Variants in CDK14 observed in about 807,000 individuals in gnomAD.
The protein encoded by CDK14 is cyclin-dependent kinase 14.
Under a neutral mutation model 60.7 loss-of-function variants are expected in CDK14, and 34 were observed. The observed-to-expected ratio is 0.56, with a 90% CI of 0.43 to 0.75. The LOEUF (loss-of-function observed/expected upper bound fraction) is 0.75, where lower values mean the gene tolerates loss of function less well. Ranked by LOEUF, CDK14 falls within the 30% of genes least tolerant of loss-of-function variation. The probability of loss-of-function intolerance (pLI) is 0.00; values close to 1 mark genes in which losing one functional copy is unlikely to be tolerated. For missense variants in CDK14, 482 were observed against 564.1 expected, an observed-to-expected ratio of 0.85 and a Z score of 1.47; for synonymous variants, 197 against 203.7, an observed-to-expected ratio of 0.97 and a Z score of 0.28.
intron 2 of CDK14, among the ~76,000 whole-genome samples, chr7:90,647,442 G>T (rs1291691340): frequency 6.6e-6 from 1 of 151,604 alleles, no homozygotes; most frequent in African/African-American, 2.4e-5. Context: ...TTAAAAGAAT[G>T]ATTTCACTTT....
chr7:90,850,489 G>A (rs1022523676), intron 5 of CDK14, among the ~76,000 whole-genome samples: 1 of 152,134 alleles, frequency 6.6e-6, no homozygotes, highest in African/African-American at 2.4e-5. Flanking sequence ...CTGAGAGAAG[G>A]TTAGAAAAGG....
At chr7:91,155,331 G>A (rs1282044693) in intron 14 of CDK14, among the ~76,000 whole-genome samples, 1 of 152,178 alleles carries the variant, frequency 6.6e-6, no homozygotes, top group African/African-American at 2.4e-5. Context: ...AAGGTGATGG[G>A]AAGTAAAGAA....
chr7:90,951,865 C>A (rs978337635), intron 8 of CDK14, among the ~76,000 whole-genome samples: 2 of 152,076 alleles, frequency 1.3e-5, no homozygotes, highest in Non-Finnish European at 2.9e-5. Flanking sequence ...TAAGGAATTA[C>A]ATAGAACCAG....
intron 2 of CDK14, among the ~76,000 whole-genome samples, chr7:90,605,978 T>C (rs1317049626): frequency 1.3e-5 from 2 of 152,248 alleles, no homozygotes; most frequent in Non-Finnish European, 2.9e-5. Flanking sequence ...TCTGTTATTC[T>C]GAAACCTCTG....
intron 9 of CDK14, among the ~76,000 whole-genome samples, chr7:90,975,094 G>A (rs1003631169): frequency 3.3e-5 from 5 of 152,082 alleles, no homozygotes; most frequent in African/African-American, 7.2e-5. Flanking sequence ...ACAGAGTTAG[G>A]GGACCTAACA....
intron 7 of CDK14, among the ~76,000 whole-genome samples, chr7:90,914,279 T>C (rs930287391): frequency 2.6e-5 from 4 of 152,240 alleles, no homozygotes; most frequent in Non-Finnish European, 5.9e-5. Context: ...CCTTCTCTTC[T>C]TGTAACAGCC....
At chr7:91,153,044 T>G (rs1235089213) in intron 14 of CDK14, among the ~76,000 whole-genome samples, 1 of 152,168 alleles carries the variant, frequency 6.6e-6, no homozygotes, top group Non-Finnish European at 1.5e-5. Flanking sequence ...GGAGTGGAGC[T>G]GTGGCCAGCT....
chr7:90,955,629 G>A (rs73227071), intron 8 of CDK14, 68 bp from the exon 9 acceptor site: 121,602 of 1,578,260 alleles, frequency 0.077, 5,262 homozygotes, highest in South Asian at 0.087. Flanking sequence ...GAATGTGAAC[G>A]TTCAAATTTA....
In CDK14 at chr7:91,091,256, TTTTA is replaced by T. The variant is rs572438588; in HGVS notation, c.1154+11790_1154+11793del. 8.4e-4 allele frequency among the ~76,000 whole-genome samples: 123 copies of T among 146,278 alleles called. 5 individuals carry two copies. The East Asian group carries it at 0.014, about 17-fold the overall frequency. ...AAAAAATTTATCTGTAAAAAAAATATTTTATTTATTTATTTATATAAATATATAT... is the reference window on the plus strand; with the variant it reads ...AAAAAATTTATCTGTAAAAAAAATATTTTATTTATTTATATAAATATATAT... On this transcript the variant is annotated intron_variant, in intron 12 of 14. Coordinates refer to ENST00000380050, the MANE Select transcript of CDK14 (RefSeq NM_001287135.2).
chr7:91,030,892 C>T (rs1796742317), intron 10 of CDK14, among the ~76,000 whole-genome samples: 1 of 152,212 alleles, frequency 6.6e-6, no homozygotes, highest in Non-Finnish European at 1.5e-5. Context: ...GTTGCTGCCT[C>T]TGGCTAAGGC....
intron 5 of CDK14, among the ~76,000 whole-genome samples, chr7:90,791,793 A>G (rs531627026): frequency 2.0e-5 from 3 of 152,096 alleles, no homozygotes; most frequent in South Asian, 4.1e-4. Flanking sequence ...AGCAGATTGC[A>G]TGGTTGAAAC....
intron 5 of CDK14, among the ~76,000 whole-genome samples, chr7:90,839,122 A>T (rs1790208571): frequency 6.6e-6 from 1 of 152,204 alleles, no homozygotes; most frequent in South Asian, 2.1e-4. Flanking sequence ...AATAGGAAAG[A>T]ACCTATGTTG....
chr7:91,167,571 G>A (rs140717420), intron 14 of CDK14, among the ~76,000 whole-genome samples: 4 of 152,304 alleles, frequency 2.6e-5, no homozygotes, highest in African/African-American at 7.2e-5. Flanking sequence ...GTCTCAGTGC[G>A]CATGTTGGAG....
At chr7:90,602,451 AG>A (rs965097592) in intron 1 of CDK14, among the ~76,000 whole-genome samples, 1 of 152,232 alleles carries the variant, frequency 6.6e-6, no homozygotes, top group African/African-American at 2.4e-5. Flanking sequence ...TGTTTTGTAA[AG>A]GACTCATTAG....
At chr7:90,818,535 A>G (rs1250275497) in intron 5 of CDK14, among the ~76,000 whole-genome samples, 1 of 152,230 alleles carries the variant, frequency 6.6e-6, no homozygotes, top group Non-Finnish European at 1.5e-5. Flanking sequence ...TTATATTCCC[A>G]GAAGATTTCT....
At chr7:90,705,778 T>C (rs1475117344) in intron 2 of CDK14, among the ~76,000 whole-genome samples, 1 of 151,486 alleles carries the variant, frequency 6.6e-6, no homozygotes. Flanking sequence ...AAAAAGAGAA[T>C]GAATCATAAA....
At chr7:91,094,610 T>G (rs1390840500) in intron 12 of CDK14, among the ~76,000 whole-genome samples, 3 of 152,186 alleles carry the variant, frequency 2.0e-5, no homozygotes, top group African/African-American at 7.2e-5. Context: ...CTTCAGTTAT[T>G]TTGTAGTCTC....
chr7:90,928,731 C>A (rs1302476158), intron 8 of CDK14, among the ~76,000 whole-genome samples: 1 of 152,154 alleles, frequency 6.6e-6, no homozygotes, highest in African/African-American at 2.4e-5. Context: ...GCTGGGAGAA[C>A]CACTACTCTC....
intron 5 of CDK14, among the ~76,000 whole-genome samples, chr7:90,794,130 G>GT (rs1409530725): frequency 1.3e-5 from 2 of 152,076 alleles, no homozygotes; most frequent in Non-Finnish European, 2.9e-5. Context: ...AAACCAGCAA[G>GT]TTTTTATTAG....
Sources: gnomAD v4.1 joint callset for allele counts (sites outside exome capture counted in the v4.1 genomes callset) on GRCh38, gnomAD v4.1.1 for gene constraint, MANE v1.5 for transcripts, NCBI Gene and HGNC (gene_info 2026-07-23, HGNC 2026-07-21) for gene names.